CPED1: variants seen among roughly 807,000 people sequenced by gnomAD.
The protein encoded by CPED1 is cadherin-like and PC-esterase domain-containing protein 1.
CPED1 carries 114 observed loss-of-function variants against 128.2 expected under a neutral mutation model. That is an observed-to-expected ratio of 0.89 (90% CI 0.76 to 1.04). CPED1 has a LOEUF of 1.04. CPED1 is among the 50% of genes least tolerant of loss of function. The pLI, the probability that CPED1 is intolerant of heterozygous loss-of-function variation, is 0.00. For synonymous variants in CPED1, 462 were observed against 426.7 expected (o/e 1.08, Z -1.02); for missense variants, 1,211 against 1,207.1 (o/e 1.00, Z -0.05).
intron 22 of CPED1, among the ~76,000 whole-genome samples, chr7:121,292,148 A>G (rs1405569976): frequency 1.3e-5 from 2 of 152,034 alleles, no homozygotes; most frequent in Non-Finnish European, 2.9e-5. Context: ...AGGTACACCA[A>G]TCAAATGTAG....
chr7:121,189,099 T>C (rs1797068253), intron 16 of CPED1, among the ~76,000 whole-genome samples: 1 of 152,146 alleles, frequency 6.6e-6, no homozygotes, highest in Non-Finnish European at 1.5e-5. Flanking sequence ...TTCAGACATA[T>C]TATCACATAA....
intron 18 of CPED1, among the ~76,000 whole-genome samples, chr7:121,260,852 A>C (rs1307104903): frequency 6.6e-6 from 1 of 152,102 alleles, no homozygotes; most frequent in Non-Finnish European, 1.5e-5. Context: ...AATATTGACG[A>C]TAAAACTGAT....
Position 121,097,854 on chromosome 7 carries a change from T to C in CPED1, c.749+23T>C, listed in dbSNP as rs776631669. On this transcript the variant is annotated intron_variant, in intron 6 of 22. Transcript: ENST00000310396. Reference sequence around the variant, plus strand: ...GCTGTAAGCTAATCATTTTGAATTGTTATAACCAGCATGCATTGTAGGAGA... The same window carrying C: ...GCTGTAAGCTAATCATTTTGAATTGCTATAACCAGCATGCATTGTAGGAGA... 2.5e-6 allele frequency: 4 copies of C among 1,612,640 alleles called. No individual in the cohort carries two copies. The East Asian group carries it at 8.9e-5, about 36-fold the overall frequency.
intron 16 of CPED1, among the ~76,000 whole-genome samples, chr7:121,196,038 GA>G (rs761245852): frequency 2.2e-4 from 34 of 152,114 alleles, no homozygotes; most frequent in Admixed American, 3.9e-4. Flanking sequence ...TCTGCTGCTT[GA>G]GGAGGCCAAA....
chr7:121,253,441 A>G (rs1798734530), intron 18 of CPED1, among the ~76,000 whole-genome samples: 1 of 151,824 alleles, frequency 6.6e-6, no homozygotes, highest in Non-Finnish European at 1.5e-5. Context: ...GTGCACATGT[A>G]CCCTAAAACT....
chr7:121,178,089 A>G (rs905170635), intron 16 of CPED1, among the ~76,000 whole-genome samples: 9 of 152,080 alleles, frequency 5.9e-5, no homozygotes, highest in Admixed American at 5.9e-4. Flanking sequence ...AAGAACCACA[A>G]AGAGATTGAG....
At chr7:121,251,005 A>C (rs556228812) in intron 18 of CPED1, among the ~76,000 whole-genome samples, 2 of 152,216 alleles carry the variant, frequency 1.3e-5, no homozygotes, top group African/African-American at 4.8e-5. Context: ...TGGCAGAGAC[A>C]CAACAAAAAA....
intron 16 of CPED1, among the ~76,000 whole-genome samples, chr7:121,151,861 C>A (rs892671521): frequency 9.7e-6 from 1 of 103,074 alleles, no homozygotes; most frequent in East Asian, 8.5e-4. Flanking sequence ...AAAATTTCCA[C>A]ATGCATGTGA....
At chr7:121,086,664 G>A (rs1386314576) in intron 5 of CPED1, among the ~76,000 whole-genome samples, 1 of 152,174 alleles carries the variant, frequency 6.6e-6, no homozygotes. Context: ...GGGATAGAAG[G>A]AAATGCTGAG....
chr7:121,102,017 T>G, intron 7 of CPED1, among the ~76,000 whole-genome samples: 1 of 152,206 alleles, frequency 6.6e-6, no homozygotes, highest in East Asian at 1.9e-4. Context: ...CGTTGTTTCT[T>G]GTATTTCAGT....
chr7:121,064,450 T>A, intron 5 of CPED1, 137 bp downstream of exon 5: 1 of 614,344 alleles, frequency 1.6e-6, no homozygotes, highest in Non-Finnish European at 2.9e-6. Context: ...TCTTCCGCAG[T>A]TCACAACGCT....
intron 17 of CPED1, among the ~76,000 whole-genome samples, chr7:121,242,347 A>C (rs1230903224): frequency 1.3e-5 from 2 of 152,250 alleles, no homozygotes; most frequent in Non-Finnish European, 2.9e-5. Flanking sequence ...GCCCTGGTTA[A>C]GGAGATGATA....
In CPED1 at chr7:120,998,854, G is replaced by A. The variant is rs142484396; in HGVS notation, c.249+8984G>A. 1.9e-3 allele frequency among the ~76,000 whole-genome samples: 285 copies of A among 151,634 alleles called. 2 individuals carry two copies. Among genetic ancestry groups the A allele is most frequent in the African/African-American group, 6.6e-3 (273 of 41,264 alleles). ...AAAGTCTGAGATGCTGAGATGAACA[G>A]CATGTTATAGCTGGGGATGGGGAGG... is the stretch of plus-strand genomic sequence containing the variant. On this transcript the variant is annotated intron_variant, in intron 2 of 22. Transcript: ENST00000310396.
chr7:121,160,516 T>C (rs2116432627), intron 16 of CPED1, among the ~76,000 whole-genome samples: 1 of 152,326 alleles, frequency 6.6e-6, no homozygotes, highest in Non-Finnish European at 1.5e-5. Context: ...TAATCACCTG[T>C]GAAGCTTAGA....
chr7:121,161,067 GTTAC>G (rs1243867484), intron 16 of CPED1, among the ~76,000 whole-genome samples: 1 of 152,112 alleles, frequency 6.6e-6, no homozygotes, highest in Non-Finnish European at 1.5e-5. Flanking sequence ...ACCCTTCCGT[GTTAC>G]TTTTTTTATT....
At chr7:121,273,448 G>A (rs904756783) in intron 22 of CPED1, among the ~76,000 whole-genome samples, 3 of 151,874 alleles carry the variant, frequency 2.0e-5, no homozygotes, top group African/African-American at 7.3e-5. Flanking sequence ...CTTGAACCTG[G>A]GAAGTAGAGG....
chr7:121,293,030 T>C (rs1792741743), intron 22 of CPED1, among the ~76,000 whole-genome samples: 1 of 152,156 alleles, frequency 6.6e-6, no homozygotes, highest in South Asian at 2.1e-4. Context: ...GTCTGTCCCT[T>C]AGCAGAGCTC....
chr7:121,228,473 A>C (rs975462948), intron 16 of CPED1, among the ~76,000 whole-genome samples: 4 of 151,990 alleles, frequency 2.6e-5, no homozygotes, highest in Admixed American at 2.6e-4. Context: ...CTATTATTAA[A>C]AAGACAAAAA....
At chr7:121,028,943 G>A (rs1792663848) in intron 3 of CPED1, among the ~76,000 whole-genome samples, 1 of 151,836 alleles carries the variant, frequency 6.6e-6, no homozygotes, top group African/African-American at 2.4e-5. Flanking sequence ...TGCTTTCTTA[G>A]CTATTAGTTT....
Sources: allele counts gnomAD v4.1 joint callset (sites outside exome capture counted in the v4.1 genomes callset), GRCh38; gene constraint gnomAD v4.1.1; transcripts MANE v1.5; gene names NCBI Gene and HGNC (gene_info 2026-07-23, HGNC 2026-07-21).